PRKN: variants seen among roughly 807,000 people sequenced by gnomAD.
The protein encoded by PRKN is E3 ubiquitin-protein ligase parkin.
In PRKN, 56 loss-of-function variants were observed where a neutral mutation model predicts 59.5. The observed-to-expected ratio is 0.94, with a 90% CI of 0.76 to 1.18. PRKN has a LOEUF of 1.18. PRKN is among the 50% of genes most tolerant of loss of function. The pLI is 0.00. For missense variants in PRKN, 657 were observed against 596.4 expected (o/e 1.10, Z -1.06); for synonymous variants, 250 against 222.1 (o/e 1.13, Z -1.12).
chr6:162,198,438 T>C (rs751313613), intron 4 of PRKN, among the ~76,000 whole-genome samples: 7 of 151,134 alleles, frequency 4.6e-5, no homozygotes, highest in Non-Finnish European at 1.0e-4. Flanking sequence ...AAAGCCTAGA[T>C]TGATTTCATA....
chr6:161,531,925 T>C (rs1301564804), intron 9 of PRKN, among the ~76,000 whole-genome samples: 1 of 152,056 alleles, frequency 6.6e-6, no homozygotes, highest in Non-Finnish European at 1.5e-5. Context: ...TAGGGATACA[T>C]AGAAAAAGTC....
chr6:162,457,954 T>G, intron 1 of PRKN, among the ~76,000 whole-genome samples: 1 of 151,972 alleles, frequency 6.6e-6, no homozygotes, highest in African/African-American at 2.4e-5. Flanking sequence ...ACCCCGTCTC[T>G]AATAAAAACA....
intron 2 of PRKN, among the ~76,000 whole-genome samples, chr6:162,413,684 GAATTA>G (rs926011529): frequency 5.9e-5 from 9 of 152,022 alleles, no homozygotes; most frequent in African/African-American, 1.5e-4. Flanking sequence ...TTCAATTTAG[GAATTA>G]AATTAAAAGT....
At chr6:161,794,495 G>T (rs1449337852) in intron 6 of PRKN, among the ~76,000 whole-genome samples, 1 of 152,082 alleles carries the variant, frequency 6.6e-6, no homozygotes, top group Non-Finnish European at 1.5e-5. Flanking sequence ...CAGCAACACT[G>T]TTCTAAAGAG....
At chr6:161,773,186 A>G (rs1789767548) in intron 7 of PRKN, among the ~76,000 whole-genome samples, 1 of 152,198 alleles carries the variant, frequency 6.6e-6, no homozygotes, top group Admixed American at 6.5e-5. Flanking sequence ...TAACTATGCA[A>G]ATCTATAACT....
intron 4 of PRKN, among the ~76,000 whole-genome samples, chr6:162,190,121 T>C (rs1172113602): frequency 6.6e-6 from 1 of 152,146 alleles, no homozygotes; most frequent in African/African-American, 2.4e-5. Context: ...TACTCAGAGA[T>C]TCAAGTGGAC....
At chr6:162,095,952 C>T (rs111632978) in intron 4 of PRKN, among the ~76,000 whole-genome samples, 4 of 152,184 alleles carry the variant, frequency 2.6e-5, no homozygotes, top group African/African-American at 9.7e-5. Context: ...CAGTGCCTAA[C>T]AGCATTCCAT....
intron 2 of PRKN, among the ~76,000 whole-genome samples, chr6:162,303,705 C>A (rs1231511361): frequency 6.6e-6 from 1 of 152,146 alleles, no homozygotes; most frequent in Non-Finnish European, 1.5e-5. Context: ...CTGTAAACCA[C>A]AGGAAGGAGA....
intron 2 of PRKN, among the ~76,000 whole-genome samples, chr6:162,409,483 C>G (rs1788244214): frequency 6.6e-6 from 1 of 152,076 alleles, no homozygotes; most frequent in Non-Finnish European, 1.5e-5. Context: ...TAGCACACCC[C>G]ACCCTCACCC....
intron 7 of PRKN, among the ~76,000 whole-genome samples, chr6:161,750,485 T>C (rs991441681): frequency 6.6e-5 from 10 of 152,080 alleles, no homozygotes; most frequent in African/African-American, 2.2e-4. Context: ...AAGTCAGTAT[T>C]GGCCAGGTGT....
intron 1 of PRKN, among the ~76,000 whole-genome samples, chr6:162,472,032 T>C (rs1050664703): frequency 1.3e-5 from 2 of 152,174 alleles, no homozygotes; most frequent in Non-Finnish European, 2.9e-5. Context: ...GTCAGATTGA[T>C]TGATGCACAT....
intron 4 of PRKN, among the ~76,000 whole-genome samples, chr6:162,068,029 T>C (rs940289013): frequency 6.6e-6 from 1 of 152,194 alleles, no homozygotes; most frequent in Non-Finnish European, 1.5e-5. Flanking sequence ...CACCGTCATG[T>C]CAGGATGGTG....
chr6:162,665,957 C>G (rs1371798685), intron 1 of PRKN, among the ~76,000 whole-genome samples: 4 of 152,138 alleles, frequency 2.6e-5, no homozygotes, highest in African/African-American at 9.7e-5. Context: ...GTAAATGGTG[C>G]TGGAAAACTG....
intron 2 of PRKN, among the ~76,000 whole-genome samples, chr6:162,306,606 T>C (rs913807776): frequency 3.3e-5 from 5 of 152,234 alleles, no homozygotes; most frequent in African/African-American, 4.8e-5. Flanking sequence ...AAGCTCAGTA[T>C]ATGCTCAGCT....
intron 7 of PRKN, among the ~76,000 whole-genome samples, chr6:161,617,081 G>A (rs1366567336): frequency 1.3e-5 from 2 of 152,080 alleles, no homozygotes; most frequent in Admixed American, 1.3e-4. Flanking sequence ...GTTGTTTCCT[G>A]ACTTTTTAAT....
chr6:161,403,884 C>T (rs1442011230), intron 9 of PRKN, among the ~76,000 whole-genome samples: 1 of 152,138 alleles, frequency 6.6e-6, no homozygotes, highest in African/African-American at 2.4e-5. Flanking sequence ...CATGCCTTTG[C>T]CCTTCTGCCT....
intron 6 of PRKN, among the ~76,000 whole-genome samples, chr6:161,884,696 A>G (rs1795065333): frequency 1.3e-5 from 2 of 152,208 alleles, no homozygotes; most frequent in Non-Finnish European, 2.9e-5. Flanking sequence ...TTTAGCTCAT[A>G]ATTTGATTCA....
intron 7 of PRKN, among the ~76,000 whole-genome samples, chr6:161,668,697 A>G (rs1288636309): frequency 6.6e-6 from 1 of 152,220 alleles, no homozygotes; most frequent in South Asian, 2.1e-4. Flanking sequence ...TTGTGCAGAA[A>G]AAAATACATT....
chr6:162,226,629 G>T (rs190203502), intron 3 of PRKN, among the ~76,000 whole-genome samples: 5 of 152,296 alleles, frequency 3.3e-5, no homozygotes, highest in African/African-American at 1.2e-4. Flanking sequence ...CGCCTCCTGG[G>T]TTCAAGCGAT....
Sources: gnomAD v4.1 joint callset for allele counts (sites outside exome capture counted in the v4.1 genomes callset) on GRCh38, gnomAD v4.1.1 for gene constraint, MANE v1.5 for transcripts, NCBI Gene and HGNC (gene_info 2026-07-23, HGNC 2026-07-21) for gene names.